Variants in NINL observed in about 807,000 individuals in gnomAD.
The protein encoded by NINL is ninein-like protein.
Under a neutral mutation model 160.3 loss-of-function variants are expected in NINL, and 153 were observed. The ratio of observed to expected loss-of-function variants is 0.95; its 90% CI spans 0.84 to 1.09. The LOEUF is 1.09. Ranked by LOEUF, NINL falls within the 50% of genes least tolerant of loss-of-function variation. The pLI is 0.00. For missense variants in NINL, 1,829 were observed against 1,764.0 expected (o/e 1.04, Z -0.66); for synonymous variants, 800 against 734.8 (o/e 1.09, Z -1.43).
chr20:25,533,063 A>C (rs2064495406), intron 1 of NINL, among the ~76,000 whole-genome samples: 1 of 152,206 alleles, frequency 6.6e-6, no homozygotes, highest in African/African-American at 2.4e-5. Context: ...TGGCCGCTTC[A>C]AGTGGCTGCC....
In NINL at chr20:25,453,622, G is replaced by T; in HGVS notation, c.3978C>A (p.Ser1326=). Residue 1326 remains serine, a synonymous_variant, in exon 24 of 24, where the codon TCC becomes TCA. Transcript: ENST00000278886. ...CGTACAGCTCCTTCAGCAGCAGGTC[G>T]GACTTCGTGTTCTTTTCAAACTAGA... ...LKEQFEKNTK[S]DLLLKELYVE... is the part of the protein sequence containing the mutation. The T allele has an allele frequency of 6.2e-7, 1 of 1,607,278 alleles. No individual in the cohort carries two copies. Among genetic ancestry groups the T allele is most frequent in the Non-Finnish European group, 8.5e-7 (1 of 1,177,166 alleles).
At chr20:25,463,544 G>C (rs1411128966) in intron 19 of NINL, among the ~76,000 whole-genome samples, 1 of 152,232 alleles carries the variant, frequency 6.6e-6, no homozygotes, top group Non-Finnish European at 1.5e-5. Flanking sequence ...CGGCAGGAAA[G>C]TGGCCCTGCG....
chr20:25,542,801 C>T (rs1353589485), intron 1 of NINL, among the ~76,000 whole-genome samples: 10 of 122,362 alleles, frequency 8.2e-5, no homozygotes, highest in South Asian at 5.9e-4. Context: ...GAGGCTGAGG[C>T]GGGCGGATCA....
chr20:25,453,678 C>T (rs762686893), intron 23 of NINL, 36 bp from the exon 24 acceptor site: 31 of 1,552,926 alleles, frequency 2.0e-5, no homozygotes, highest in Non-Finnish European at 2.5e-5. Flanking sequence ...TGCATGAGGC[C>T]GGTGGAGAAA....
rs766964299 is a variant in NINL, at chr20:25,476,580, T to G, written c.2711A>C (p.Glu904Ala). ...ACAGGGCTGCATGCGTGACCACCTC[T>G]CTGAGGGGCCGTGGGATGCCGGGGC... is the stretch of plus-strand genomic sequence containing the variant. ...APAPASHGPS[E>A]RWSRMQPCGV... Residue 904 changes from glutamate (E) to alanine (A), a missense_variant, in exon 17 of 24, where the codon GAG (glutamate) becomes GCG (alanine). Glu to Ala is a moderately radical substitution (Grantham distance 107, BLOSUM62 -1). Transcript: ENST00000278886. 2.5e-6 allele frequency: 4 copies of G among 1,599,210 alleles called. No individual in the cohort carries two copies. The highest frequency in any genetic ancestry group is 3.4e-6 in the Non-Finnish European group (4 of 1,179,686).
intron 16 of NINL, 171 bp downstream of exon 16, chr20:25,478,752 G>A (rs530959706): frequency 6.3e-6 from 4 of 632,250 alleles, no homozygotes; most frequent in Non-Finnish European, 1.0e-5. Context: ...TAAATTCAGA[G>A]CCAGAATCCT....
At chr20:25,583,981 G>A (rs376025827) in intron 1 of NINL, among the ~76,000 whole-genome samples, 165 of 152,178 alleles carry the variant, frequency 1.1e-3, no homozygotes, top group African/African-American at 3.6e-3. Flanking sequence ...GGGACCTGTC[G>A]GGGCGGGTGG....
At chr20:25,517,623 A>T in intron 3 of NINL, 130 bp downstream of exon 3, 1 of 676,972 alleles carries the variant, frequency 1.5e-6, no homozygotes, top group East Asian at 2.8e-5. Context: ...CCAAGTCCAT[A>T]TACCTTGGGG....
chr20:25,478,755 A>T, intron 16 of NINL, 168 bp downstream of exon 16: 1 of 647,006 alleles, frequency 1.5e-6, no homozygotes, highest in Non-Finnish European at 2.5e-6. Context: ...ATTCAGAGCC[A>T]GAATCCTCAT....
chr20:25,504,167 G>A, intron 6 of NINL, 63 bp from the exon 7 acceptor site: 1 of 1,502,770 alleles, frequency 6.7e-7, no homozygotes, highest in African/African-American at 1.4e-5. Context: ...GCCCTCACCA[G>A]GGCCTCCCTC....
In NINL at chr20:25,462,323, C is replaced by T. The variant is rs148917178; in HGVS notation, c.3582+60G>A. The T allele has an allele frequency of 3.4e-4, 519 of 1,543,342 alleles. 1 individual carries two copies. The African/African-American group carries it at 6.2e-3, about 18-fold the overall frequency. On this transcript the variant is annotated intron_variant, in intron 20 of 23. Coordinates refer to ENST00000278886, the MANE Select transcript of NINL (RefSeq NM_025176.6). ...GCGCGTGTCCTGACCTATTTGCAGC[C>T]GCCTCCCCACCCTGAGCTCCCAGCC...
chr20:25,488,609 G>C (rs2063553493), intron 13 of NINL, among the ~76,000 whole-genome samples: 1 of 151,918 alleles, frequency 6.6e-6, no homozygotes. Flanking sequence ...GCAGCAGCAG[G>C]TTTGAGCATC....
chr20:25,489,645 A>T (rs2063579426), intron 12 of NINL, among the ~76,000 whole-genome samples: 1 of 151,542 alleles, frequency 6.6e-6, no homozygotes, highest in African/African-American at 2.4e-5. Flanking sequence ...GCCCCCCACC[A>T]CTGAGGGCTG....
chr20:25,480,156 C>T lies in NINL; in HGVS notation c.1917+5G>A, dbSNP rs761253170. The T allele has an allele frequency of 6.2e-7, 1 of 1,611,242 alleles. No individual in the cohort carries two copies. Among genetic ancestry groups the T allele is most frequent in the Non-Finnish European group, 8.5e-7 (1 of 1,177,524 alleles). On this transcript the variant is annotated splice_donor_5th_base_variant and intron_variant, in intron 15 of 23. Coordinates refer to ENST00000278886, the MANE Select transcript of NINL (RefSeq NM_025176.6). ...CAGGGCCCCACAGCCCCATAATCCC[C>T]TCACCTTGGTCTCCAGCTGGGTCCT...
intron 1 of NINL, among the ~76,000 whole-genome samples, chr20:25,541,584 T>C (rs1197763381): frequency 6.6e-6 from 1 of 152,256 alleles, no homozygotes; most frequent in Non-Finnish European, 1.5e-5. Flanking sequence ...TGTGTATCTA[T>C]ATAATTACAA....
In NINL at chr20:25,504,011, C is replaced by T. The variant is rs575769396; in HGVS notation, c.802G>A (p.Ala268Thr). ...FQLGLFSHEP[A>T]LLLESSTRVK... ...CGAGTGGAAGACTCTAGAAGTAGCG[C>T]GGGCTCATGACTGAAGAGGCCAAGC... The change falls in exon 7 of 24, where the codon GCG (alanine) becomes ACG (threonine). Residue 268 changes from alanine to threonine, a missense_variant. Physicochemically the swap from Ala to Thr is moderately conservative, Grantham distance 58 (BLOSUM62 0). Coordinates refer to ENST00000278886, the MANE Select transcript of NINL (RefSeq NM_025176.6). 2.6e-4 allele frequency: 418 copies of T among 1,613,900 alleles called. 5 individuals carry two copies. In the South Asian group the frequency reaches 3.8e-3, roughly 15 times the overall value.
At chr20:25,473,978 A>G (rs2063171575) in intron 17 of NINL, among the ~76,000 whole-genome samples, 1 of 152,266 alleles carries the variant, frequency 6.6e-6, no homozygotes, top group Admixed American at 6.5e-5. Context: ...CAAAAGTCAG[A>G]TACCTACTGT....
At chr20:25,494,764 C>T (rs1286503920) in intron 10 of NINL, among the ~76,000 whole-genome samples, 2 of 152,168 alleles carry the variant, frequency 1.3e-5, no homozygotes, top group Non-Finnish European at 2.9e-5. Context: ...AGATGGGGGG[C>T]GCCCACTGGC....
chr20:25,517,558 T>G (rs1000878738), intron 3 of NINL, among the ~76,000 whole-genome samples, 195 bp downstream of exon 3: 1 of 152,230 alleles, frequency 6.6e-6, no homozygotes, highest in Admixed American at 6.5e-5. Context: ...TGCACGTTAT[T>G]ATATGACACT....
Sources: gnomAD v4.1 joint callset for allele counts (sites outside exome capture counted in the v4.1 genomes callset) on GRCh38, gnomAD v4.1.1 for gene constraint, MANE v1.5 for transcripts, NCBI Gene and HGNC (gene_info 2026-07-23, HGNC 2026-07-21) for gene names.